Variants in TTPA observed in about 807,000 individuals in gnomAD.
TTPA encodes alpha-tocopherol transfer protein.
Under a neutral mutation model 25.9 loss-of-function variants are expected in TTPA, and 23 were observed. The observed-to-expected ratio is 0.89, with a 90% CI of 0.64 to 1.26. The LOEUF (loss-of-function observed/expected upper bound fraction) is 1.26. Ranked by LOEUF, TTPA falls within the 50% of genes most tolerant of loss-of-function variation. The probability of loss-of-function intolerance (pLI) is 0.00; values close to 1 mark genes in which losing one functional copy is unlikely to be tolerated. For synonymous variants in TTPA, 148 were observed against 137.3 expected (o/e 1.08, Z -0.54); for missense variants, 337 against 353.1 (o/e 0.95, Z 0.37).
At position 63,064,280 on chromosome 8, in the gene TTPA, T is replaced by C. The variant is rs754621715; in HGVS notation, c.589A>G (p.Ile197Val). Residue 197 changes from isoleucine (I) to valine (V), a missense_variant, in exon 4 of 5, where the codon ATA becomes GTA. Ile to Val is a conservative substitution (Grantham distance 29, BLOSUM62 3). Transcript: ENST00000260116. ...GCATGGAAAATTACTGGTTCATTTA[T>C]CAAATGGATGCCACGAACTTTCAAT... ...FPLKVRGIHL[I>V]NEPVIFHAVF... 10 of 1,613,124 alleles carry C rather than the reference T, an allele frequency of 6.2e-6. No individual in the cohort carries two copies. In the South Asian group the frequency reaches 7.7e-5, roughly 12 times the overall value.
Position 63,064,524 on chromosome 8 carries a change from T to A in TTPA, c.553-208A>T, listed in dbSNP as rs529466240. Among the ~76,000 whole-genome samples the A allele has an allele frequency of 2.0e-5, 3 of 152,308 alleles. No individual in the cohort carries two copies. In the South Asian group the frequency reaches 6.2e-4, roughly 32 times the overall value. ...AAGTAAAGATCTCTAAAAAGGTTTCTCCTTATAGATTTGGCAAAGTATTTT... is the reference window on the plus strand; with the variant it reads ...AAGTAAAGATCTCTAAAAAGGTTTCACCTTATAGATTTGGCAAAGTATTTT... On this transcript the variant is annotated intron_variant, in intron 3 of 4. Transcript: ENST00000260116.
At chr8:63,075,540 A>G (rs1805548875) in intron 1 of TTPA, among the ~76,000 whole-genome samples, 1 of 152,046 alleles carries the variant, frequency 6.6e-6, no homozygotes, top group Non-Finnish European at 1.5e-5. Context: ...CAATATGGTG[A>G]AACCCCATCT....
chr8:63,065,315 A>G (rs1805372821), intron 3 of TTPA, among the ~76,000 whole-genome samples: 1 of 152,186 alleles, frequency 6.6e-6, no homozygotes, highest in African/African-American at 2.4e-5. Flanking sequence ...TAGTTTATTA[A>G]TTGTAAAGTG....
intron 2 of TTPA, among the ~76,000 whole-genome samples, chr8:63,071,299 C>G (rs557854491): frequency 6.6e-6 from 1 of 152,162 alleles, no homozygotes; most frequent in Non-Finnish European, 1.5e-5. Context: ...AAATTAAATA[C>G]AGTAACTTCT....
intron 1 of TTPA, among the ~76,000 whole-genome samples, chr8:63,074,367 T>C (rs1330746212): frequency 6.6e-6 from 1 of 152,176 alleles, no homozygotes; most frequent in Non-Finnish European, 1.5e-5. Context: ...CTCACCCCCA[T>C]CTCTGATTTA....
At chr8:63,078,777 A>C (rs1030503716) in intron 1 of TTPA, among the ~76,000 whole-genome samples, 2 of 152,234 alleles carry the variant, frequency 1.3e-5, no homozygotes, top group Admixed American at 1.3e-4. Context: ...GATATTATCC[A>C]GGAGAACTTC....
intron 4 of TTPA, among the ~76,000 whole-genome samples, chr8:63,061,930 C>T (rs1805312824): frequency 6.6e-6 from 1 of 152,150 alleles, no homozygotes; most frequent in African/African-American, 2.4e-5. Context: ...CAGCCGGGTG[C>T]AGTGGCTCAT....
intron 1 of TTPA, among the ~76,000 whole-genome samples, chr8:63,078,282 C>T (rs1421609504): frequency 1.3e-5 from 2 of 152,134 alleles, no homozygotes; most frequent in Non-Finnish European, 2.9e-5. Context: ...CTCTTCTCCT[C>T]CAAAGGATCA....
rs969785751 is a variant in TTPA at position 63,059,784 on chromosome 8, T to A, written c.*1468A>T. ...CTTTACCGGTTATTTATTTATTTAT[T>A]TTTATTTTTATTTTTTAATTTTTTT... On this transcript the variant is annotated 3_prime_UTR_variant, in exon 5 of 5. Transcript: ENST00000260116. 7.2e-5 allele frequency: 11 copies of A among 152,046 alleles called. No individual in the cohort carries two copies. Among genetic ancestry groups the A allele is most frequent in the African/African-American group, 2.7e-4 (11 of 41,410 alleles). The allele number at this position is 152,046 out of a possible 1,614,324, so 9.4% of individuals were successfully genotyped here.
At chr8:63,062,899 A>G (rs908205020) in intron 4 of TTPA, among the ~76,000 whole-genome samples, 6 of 152,226 alleles carry the variant, frequency 3.9e-5, no homozygotes, top group Non-Finnish European at 7.3e-5. Context: ...AAATGAACAA[A>G]CAAAATTGAT....
intron 2 of TTPA, among the ~76,000 whole-genome samples, chr8:63,072,238 A>T (rs960543307): frequency 1.3e-5 from 2 of 152,180 alleles, no homozygotes; most frequent in Non-Finnish European, 2.9e-5. Context: ...CATGGAGTTT[A>T]CATTATAGCC....
intron 2 of TTPA, among the ~76,000 whole-genome samples, chr8:63,066,831 AC>A (rs1325373464): frequency 6.6e-6 from 1 of 152,196 alleles, no homozygotes; most frequent in Admixed American, 6.5e-5. Flanking sequence ...ACACATCCAT[AC>A]ACACACAAAG....
At chr8:63,069,943 T>C (rs1289099452) in intron 2 of TTPA, among the ~76,000 whole-genome samples, 2 of 152,192 alleles carry the variant, frequency 1.3e-5, no homozygotes, top group African/African-American at 2.4e-5. Flanking sequence ...ACTTAATATG[T>C]ATTGAGTGCT....
intron 4 of TTPA, 101 bp downstream of exon 4, chr8:63,064,105 A>T: frequency 1.3e-6 from 1 of 798,374 alleles, no homozygotes; most frequent in South Asian, 1.6e-5. Flanking sequence ...CTAATGATAT[A>T]GATGGGCAGG....
chr8:63,068,333 A>C (rs1453420225), intron 2 of TTPA, among the ~76,000 whole-genome samples: 1 of 152,216 alleles, frequency 6.6e-6, no homozygotes, highest in East Asian at 1.9e-4. Context: ...ATTAAGGAGG[A>C]GCAGCCAGTG....
chr8:63,077,432 G>A (rs190518028), intron 1 of TTPA, among the ~76,000 whole-genome samples: 18 of 152,276 alleles, frequency 1.2e-4, no homozygotes, highest in Admixed American at 3.3e-4. Context: ...CGGATGTACC[G>A]GGAAAAACAG....
intron 1 of TTPA, among the ~76,000 whole-genome samples, chr8:63,081,372 C>G (rs990351271): frequency 2.1e-4 from 32 of 152,220 alleles, no homozygotes; most frequent in African/African-American, 7.7e-4. Flanking sequence ...ATCAGATAAA[C>G]AGAATCAATG....
At chr8:63,076,525 G>T (rs534567055) in intron 1 of TTPA, among the ~76,000 whole-genome samples, 1 of 152,246 alleles carries the variant, frequency 6.6e-6, no homozygotes, top group African/African-American at 2.4e-5. Flanking sequence ...ATTTCTATGC[G>T]GTGGATTTAG....
chr8:63,071,117 A>T (rs978371291), intron 2 of TTPA, among the ~76,000 whole-genome samples: 3 of 152,194 alleles, frequency 2.0e-5, no homozygotes, highest in Admixed American at 2.0e-4. Flanking sequence ...CTATGAGCTC[A>T]TTCAATTTCC....
Sources: allele counts gnomAD v4.1 joint callset (sites outside exome capture counted in the v4.1 genomes callset), GRCh38; gene constraint gnomAD v4.1.1; transcripts MANE v1.5; gene names NCBI Gene and HGNC (gene_info 2026-07-23, HGNC 2026-07-21).